The following FAM169A variants were observed in gnomAD, a reference collection of about 807,000 sequenced individuals.
FAM169A encodes the protein family with sequence similarity 169 member A, also known as soluble lamin-associated protein of 75 kDa.
FAM169A carries 24 observed loss-of-function variants against 75.7 expected under a neutral mutation model. The observed-to-expected ratio is 0.32, with a 90% CI of 0.23 to 0.45. FAM169A has a LOEUF of 0.45. Ranked by LOEUF, FAM169A falls within the 20% of genes least tolerant of loss-of-function variation. The pLI is 1.00. For missense variants in FAM169A, 673 were observed against 784.0 expected, an observed-to-expected ratio of 0.86 and a Z score of 1.69; for synonymous variants, 271 against 271.0, an observed-to-expected ratio of 1.00 and a Z score of 0.00.
At position 74,800,908 on chromosome 5, in the gene FAM169A, G is replaced by A. The variant is rs1561295637; in HGVS notation, c.1075C>T (p.Gln359Ter). 6.7e-7 allele frequency: 1 copy of A among 1,499,050 alleles called. No individual in the cohort carries two copies. Among genetic ancestry groups the A allele is most frequent in the Non-Finnish European group, 8.9e-7 (1 of 1,119,910 alleles). 92.9% of individuals were successfully genotyped at this position (1,499,050 alleles called of 1,614,324 possible). The stretch of plus-strand genomic sequence containing the variant: ...TTTATTGAAGCTGTAAGTGAAGTCT[G>A]GGAGGTCTTTTCATCTTCACCTTGA... The part of the protein sequence containing the change: ...SSQGEDEKTS[Q>*]TSLTASINKL... Residue 359 changes from glutamine to a stop codon, truncating the protein, a stop_gained, in exon 10 of 13, where the codon CAG (glutamine) becomes TAG (stop). Transcript: ENST00000687041. LOFTEE classifies it high-confidence loss of function.
intron 1 of FAM169A, among the ~76,000 whole-genome samples, chr5:74,843,489 C>G (rs1302325737): frequency 6.6e-6 from 1 of 152,012 alleles, no homozygotes; most frequent in Non-Finnish European, 1.5e-5. Context: ...TGTGAATCAA[C>G]AAATGGAACA....
At chr5:74,804,734 G>C (rs1250126269) in intron 7 of FAM169A, 129 bp from the exon 8 acceptor site, 6 of 541,784 alleles carry the variant, frequency 1.1e-5, no homozygotes. Flanking sequence ...CTAGGTGTGA[G>C]ATGTTCTCTT....
chr5:74,812,654 C>G (rs565797515), intron 6 of FAM169A, among the ~76,000 whole-genome samples: 1 of 152,042 alleles, frequency 6.6e-6, no homozygotes, highest in African/African-American at 2.4e-5. Context: ...AACCCCCCCC[C>G]AAAATGGTCA....
intron 11 of FAM169A, among the ~76,000 whole-genome samples, chr5:74,791,121 C>T (rs115117213): frequency 0.018 from 2,750 of 152,282 alleles, 43 homozygotes; most frequent in Middle Eastern, 0.065. Flanking sequence ...TTACCATGTT[C>T]CCCATCATCT....
chr5:74,782,470 C>G (rs1170576942), intron 12 of FAM169A, among the ~76,000 whole-genome samples: 1 of 152,132 alleles, frequency 6.6e-6, no homozygotes, highest in African/African-American at 2.4e-5. Flanking sequence ...ACTAATAATG[C>G]CATACAACAG....
chr5:74,813,287 T>C (rs771414768), intron 6 of FAM169A, among the ~76,000 whole-genome samples: 5 of 152,144 alleles, frequency 3.3e-5, no homozygotes, highest in Non-Finnish European at 5.9e-5. Context: ...TTGTACACTT[T>C]TAACAGGGCA....
At chr5:74,841,786 G>A in intron 1 of FAM169A, 107 bp from the exon 2 acceptor site, 1 of 1,014,170 alleles carries the variant, frequency 9.9e-7, no homozygotes, top group Non-Finnish European at 1.4e-6. Context: ...GTTATAACAA[G>A]ATTTTTCTGT....
At chr5:74,865,092 T>A (rs778784631) in intron 1 of FAM169A, among the ~76,000 whole-genome samples, 33 of 152,210 alleles carry the variant, frequency 2.2e-4, no homozygotes, top group Non-Finnish European at 4.6e-4. Flanking sequence ...CACTCCCGAT[T>A]GTAATCCCTG....
intron 5 of FAM169A, among the ~76,000 whole-genome samples, chr5:74,825,119 TTAA>T (rs1234692627): frequency 4.6e-5 from 7 of 152,154 alleles, no homozygotes; most frequent in East Asian, 1.9e-4. Flanking sequence ...TTGATTTCCC[TTAA>T]TAATATTTAT....
At chr5:74,858,078 A>C (rs1749816398) in intron 1 of FAM169A, among the ~76,000 whole-genome samples, 1 of 152,064 alleles carries the variant, frequency 6.6e-6, no homozygotes, top group Non-Finnish European at 1.5e-5. Flanking sequence ...ACTTCATGGA[A>C]TACTACAGTC....
intron 4 of FAM169A, among the ~76,000 whole-genome samples, chr5:74,835,540 T>A (rs1045829549): frequency 6.9e-6 from 1 of 144,786 alleles, no homozygotes; most frequent in African/African-American, 2.6e-5. Flanking sequence ...AGGTTGAGGT[T>A]GCAGTGAGCT....
intron 10 of FAM169A, chr5:74,799,630 T>C: frequency 2.9e-6 from 4 of 1,397,552 alleles, no homozygotes; most frequent in Non-Finnish European, 4.1e-6. Flanking sequence ...GGTCAGCTTC[T>C]CCGCCAGTGG....
At chr5:74,838,054 T>C (rs1580147252) in intron 4 of FAM169A, among the ~76,000 whole-genome samples, 1 of 150,080 alleles carries the variant, frequency 6.7e-6, no homozygotes, top group African/African-American at 2.5e-5. Context: ...GAAGCTGAGG[T>C]TGTGGTGAGC....
chr5:74,853,663 G>A (rs922147634), intron 1 of FAM169A, among the ~76,000 whole-genome samples: 2 of 151,112 alleles, frequency 1.3e-5, no homozygotes, highest in African/African-American at 4.9e-5. Flanking sequence ...TAGTTTCTTC[G>A]GACTTTCTAT....
chr5:74,796,584 T>G (rs1746289835), intron 10 of FAM169A, among the ~76,000 whole-genome samples: 3 of 152,150 alleles, frequency 2.0e-5, no homozygotes, highest in African/African-American at 7.2e-5. Context: ...TTTTGTATTT[T>G]TAGTAAAGAC....
intron 11 of FAM169A, among the ~76,000 whole-genome samples, chr5:74,794,819 T>C (rs1049664677): frequency 6.9e-6 from 1 of 144,900 alleles, no homozygotes; most frequent in Non-Finnish European, 1.5e-5. Context: ...TAGCCGGGCG[T>C]GTTGGTGTAC....
chr5:74,834,663 C>T (rs1437183180), intron 4 of FAM169A, 66 bp from the exon 5 acceptor site: 47 of 1,274,436 alleles, frequency 3.7e-5, no homozygotes, highest in Non-Finnish European at 4.9e-5. Context: ...ATGCTATTTA[C>T]TTTGCTCCCT....
intron 6 of FAM169A, among the ~76,000 whole-genome samples, chr5:74,809,222 G>A (rs1431496987): frequency 6.6e-6 from 1 of 152,074 alleles, no homozygotes; most frequent in African/African-American, 2.4e-5. Context: ...AAATGCACAT[G>A]GACTAAAGAA....
At chr5:74,836,757 G>A (rs1347832475) in intron 4 of FAM169A, among the ~76,000 whole-genome samples, 1 of 152,178 alleles carries the variant, frequency 6.6e-6, no homozygotes, top group East Asian at 1.9e-4. Context: ...AAACCAGCCT[G>A]GCCAACATGG....
Sources: allele counts gnomAD v4.1 joint callset (sites outside exome capture counted in the v4.1 genomes callset), GRCh38; gene constraint gnomAD v4.1.1; transcripts MANE v1.5; gene names NCBI Gene and HGNC (gene_info 2026-07-23, HGNC 2026-07-21).